GLI2: variants seen among roughly 807,000 people sequenced by gnomAD.
GLI2 encodes transcription activator GLI2.
Under a neutral mutation model 78.9 loss-of-function variants are expected in GLI2, and 22 were observed. The observed-to-expected ratio is 0.28, with a 90% CI of 0.20 to 0.40. GLI2 has a LOEUF of 0.40. Among genes scored for constraint, GLI2 ranks in the 10% least tolerant of loss-of-function variants. The probability of loss-of-function intolerance (pLI) is 1.00; values close to 1 mark genes in which losing one functional copy is unlikely to be tolerated. For missense variants in GLI2, 2,097 were observed against 2,213.2 expected (o/e 0.95, Z 1.05); for synonymous variants, 974 against 963.7 (o/e 1.01, Z -0.20).
intron 7 of GLI2, among the ~76,000 whole-genome samples, chr2:120,971,462 GCTCCCCAGAGC>G (rs557018878): frequency 1.3e-5 from 2 of 152,362 alleles, no homozygotes; most frequent in African/African-American, 4.8e-5. Context: ...GCTCCTGGTG[GCTCCCCAGAGC>G]CTCCCCACGA....
chr2:120,790,628 A>G (rs745535273), intron 1 of GLI2, among the ~76,000 whole-genome samples: 23 of 152,118 alleles, frequency 1.5e-4, no homozygotes, highest in Non-Finnish European at 2.9e-5. Context: ...CCACCCGTCC[A>G]CACTCTGGAA....
chr2:120,975,197 G>A (rs1349030056), intron 9 of GLI2, 88 bp downstream of exon 9: 2 of 1,317,762 alleles, frequency 1.5e-6, no homozygotes, highest in Non-Finnish European at 2.1e-6. Flanking sequence ...CTACTAGACA[G>A]AAGGGGCTGG....
chr2:120,923,454 C>T (rs1378598823), intron 2 of GLI2, among the ~76,000 whole-genome samples: 1 of 152,072 alleles, frequency 6.6e-6, no homozygotes, highest in Non-Finnish European at 1.5e-5. Flanking sequence ...GCAACATGCA[C>T]ATACAACAAC....
chr2:120,902,955 G>A (rs935803855), intron 2 of GLI2, among the ~76,000 whole-genome samples: 1 of 152,188 alleles, frequency 6.6e-6, no homozygotes, highest in Non-Finnish European at 1.5e-5. Flanking sequence ...GAGACTGTGG[G>A]TGTAATAAAT....
At chr2:120,872,048 G>A (rs1199810575) in intron 2 of GLI2, among the ~76,000 whole-genome samples, 2 of 152,218 alleles carry the variant, frequency 1.3e-5, no homozygotes, top group Admixed American at 6.5e-5. Flanking sequence ...GCAGGCGGGT[G>A]AGGGGCCCTG....
At chr2:120,807,967 C>G (rs1488339421) in intron 2 of GLI2, among the ~76,000 whole-genome samples, 2 of 152,096 alleles carry the variant, frequency 1.3e-5, no homozygotes, top group South Asian at 2.1e-4. Flanking sequence ...TTGGCTCTTT[C>G]CCCTTGAATA....
intron 2 of GLI2, among the ~76,000 whole-genome samples, chr2:120,902,528 G>A (rs973545040): frequency 6.6e-6 from 1 of 152,174 alleles, no homozygotes; most frequent in Non-Finnish European, 1.5e-5. Context: ...GGAGGGAAGG[G>A]GGAATGAAGG....
chr2:120,823,080 AC>A (rs36080598), intron 2 of GLI2, among the ~76,000 whole-genome samples: 152,060 of 152,062 alleles, frequency 1, 76,029 homozygotes, highest in Middle Eastern at 1. Context: ...CACCCCCTGC[AC>A]CCCCCGCCAC....
chr2:120,829,210 C>T (rs950620376), intron 2 of GLI2, among the ~76,000 whole-genome samples: 5 of 152,214 alleles, frequency 3.3e-5, no homozygotes, highest in Non-Finnish European at 5.9e-5. Flanking sequence ...CATGCACACG[C>T]CTGCACTCAC....
chr2:120,970,656 A>T (rs781241218), intron 7 of GLI2, 50 bp downstream of exon 7: 1 of 1,444,370 alleles, frequency 6.9e-7, no homozygotes, highest in Non-Finnish European at 9.7e-7. Flanking sequence ...ATCTGGACAC[A>T]TGAGGGTTGT....
chr2:120,763,478 A>G (rs1344590872), intron 1 of GLI2, among the ~76,000 whole-genome samples: 3 of 152,260 alleles, frequency 2.0e-5, no homozygotes, highest in African/African-American at 7.2e-5. Context: ...AATCTGATCC[A>G]TCACTGTGGA....
intron 2 of GLI2, among the ~76,000 whole-genome samples, chr2:120,874,356 T>A (rs1430053031): frequency 6.6e-6 from 1 of 152,218 alleles, no homozygotes; most frequent in African/African-American, 2.4e-5. Flanking sequence ...GTTATACTAA[T>A]AATCAAAAGC....
chr2:120,863,515 A>T (rs898986558), intron 2 of GLI2, among the ~76,000 whole-genome samples: 3 of 152,266 alleles, frequency 2.0e-5, no homozygotes, highest in African/African-American at 7.2e-5. Context: ...TTTTAATCAG[A>T]TGCTTAATGA....
intron 3 of GLI2, among the ~76,000 whole-genome samples, chr2:120,929,224 A>C (rs1015829316): frequency 1.3e-5 from 2 of 152,224 alleles, no homozygotes; most frequent in South Asian, 2.1e-4. Flanking sequence ...CAGGAGGCCT[A>C]TGATCTTCAC....
rs180866262 is a variant in GLI2 at position 120,833,656 on chromosome 2, C to T, written c.148+36188C>T. On this transcript the variant is annotated intron_variant, in intron 2 of 13. Transcript: ENST00000361492. ...CATGGACTTTGGTGTTCAGACATCACAACAGCCACCTCCCACCACCGAGGT... is the reference window on the plus strand; with the variant it reads ...CATGGACTTTGGTGTTCAGACATCATAACAGCCACCTCCCACCACCGAGGT... Among the ~76,000 whole-genome samples, 162 of 152,182 alleles carry T rather than the reference C, an allele frequency of 1.1e-3. 1 individual carries two copies. The highest frequency in any genetic ancestry group is 2.1e-3 in the Non-Finnish European group (145 of 68,002).
At chr2:120,921,833 T>A (rs1679395057) in intron 2 of GLI2, among the ~76,000 whole-genome samples, 1 of 152,232 alleles carries the variant, frequency 6.6e-6, no homozygotes, top group Non-Finnish European at 1.5e-5. Context: ...CCTTCTCTCC[T>A]GCCTTTCCAC....
At chr2:120,825,438 C>T (rs542123338) in intron 2 of GLI2, among the ~76,000 whole-genome samples, 1 of 151,126 alleles carries the variant, frequency 6.6e-6, no homozygotes, top group East Asian at 2.0e-4. Flanking sequence ...TGTGAGTGCA[C>T]CTGGCTATAA....
intron 2 of GLI2, among the ~76,000 whole-genome samples, chr2:120,900,523 G>A (rs1370314778): frequency 6.6e-6 from 1 of 152,184 alleles, no homozygotes; most frequent in African/African-American, 2.4e-5. Flanking sequence ...GTGACCCTGT[G>A]CATAGGATCT....
intron 2 of GLI2, among the ~76,000 whole-genome samples, chr2:120,889,561 G>A (rs1429246475): frequency 1.3e-5 from 2 of 152,116 alleles, no homozygotes; most frequent in Non-Finnish European, 2.9e-5. Context: ...CTGCAGAATG[G>A]GAGAAAATAT....
Sources: gnomAD v4.1 joint callset for allele counts (sites outside exome capture counted in the v4.1 genomes callset) on GRCh38, gnomAD v4.1.1 for gene constraint, MANE v1.5 for transcripts, NCBI Gene and HGNC (gene_info 2026-07-23, HGNC 2026-07-21) for gene names.